SSC4D: variants seen among roughly 807,000 people sequenced by gnomAD.
The protein encoded by SSC4D is scavenger receptor cysteine-rich domain-containing group B protein.
SSC4D carries 57 observed loss-of-function variants against 63.4 expected under a neutral mutation model. The observed-to-expected ratio is 0.90, with a 90% CI of 0.73 to 1.12. The LOEUF (loss-of-function observed/expected upper bound fraction) is 1.12, where lower values mean the gene tolerates loss of function less well. Among genes scored for constraint, SSC4D ranks in the 50% most tolerant of loss-of-function variants. The pLI, the probability that SSC4D is intolerant of heterozygous loss-of-function variation, is 0.00. For missense variants in SSC4D, 791 were observed against 806.4 expected (o/e 0.98, Z 0.23); for synonymous variants, 352 against 345.4 (o/e 1.02, Z -0.21).
chr7:76,389,663 G>A lies in SSC4D; in HGVS notation c.*396C>T. The A allele has an allele frequency of 5.2e-6, 1 of 192,836 alleles. No individual in the cohort carries two copies. The highest frequency in any genetic ancestry group is 1.1e-5 in the Non-Finnish European group (1 of 92,320). 11.9% of individuals were successfully genotyped at this position (192,836 alleles called of 1,614,324 possible). ...CCCTCTTCTTGGGGATCCCAAGATG[G>A]GTTGGGGGAAGAGGAGATACCCCAT... On this transcript the variant is annotated 3_prime_UTR_variant, in exon 11 of 11. Transcript: ENST00000275560.
rs1396681956 is a variant in SSC4D at position 76,401,062 on chromosome 7, G to A, written c.134-19C>T. 15 of 1,540,900 alleles carry A rather than the reference G, an allele frequency of 9.7e-6. No individual in the cohort carries two copies. The highest frequency in any genetic ancestry group is 1.7e-4 in the Middle Eastern group (1 of 5,952). ...GCGCTGGCTGAAACAGAGTGAGGAAGAGCATTGGCCCCTCTGCCCACACCA... is the reference window on the plus strand; with the variant it reads ...GCGCTGGCTGAAACAGAGTGAGGAAAAGCATTGGCCCCTCTGCCCACACCA... On this transcript the variant is annotated intron_variant, in intron 2 of 10. Transcript: ENST00000275560.
chr7:76,395,132 C>A, intron 7 of SSC4D, 121 bp downstream of exon 7: 2 of 1,130,758 alleles, frequency 1.8e-6, no homozygotes, highest in South Asian at 1.3e-5. Flanking sequence ...TCTGCACCAT[C>A]TGGCCAAAGC....
chr7:76,400,068 T>C (rs1804765575), intron 4 of SSC4D, among the ~76,000 whole-genome samples: 1 of 152,150 alleles, frequency 6.6e-6, no homozygotes, highest in South Asian at 2.1e-4. Context: ...GAAGCAGTAG[T>C]GCTGGTTTTC....
chr7:76,395,451 G>T, intron 6 of SSC4D, 121 bp from the exon 7 acceptor site: 2 of 996,456 alleles, frequency 2.0e-6, no homozygotes, highest in Non-Finnish European at 3.0e-6. Flanking sequence ...TACTTCCAGG[G>T]CTGGTGGCCC....
Position 76,393,619 on chromosome 7 carries a change from C to T in SSC4D, c.1119G>A (p.Trp373Ter). 1 of 1,500,294 alleles carries T rather than the reference C, an allele frequency of 6.7e-7. No individual in the cohort carries two copies. Among genetic ancestry groups the T allele is most frequent in the Admixed American group, 2.1e-5 (1 of 46,948 alleles). The allele number at this position is 1,500,294 out of a possible 1,614,324, so 92.9% of individuals were successfully genotyped here. ...GGWGTVCDDD[W>*]DFADARVACR... ...AGGCCACGCGCGCGTCCGCAAAGTC[C>T]CAGTCATCGTCGCACACGGTGCCCC... Residue 373 changes from tryptophan (W) to a stop codon, truncating the protein, a stop_gained, in exon 9 of 11, where the codon TGG becomes TGA. Transcript: ENST00000275560. LOFTEE classifies it high-confidence loss of function.
rs924402462 is a variant in SSC4D, at chr7:76,400,911, G to A, written c.169+97C>T. The A allele has an allele frequency of 2.7e-6, 4 of 1,486,110 alleles. No individual in the cohort carries two copies. The African/African-American group carries it at 4.2e-5, about 16-fold the overall frequency. The allele number at this position is 1,486,110 out of a possible 1,614,324, so 92.1% of individuals were successfully genotyped here. A position where few individuals can be genotyped will look rare whatever the true frequency, so the allele number is the denominator to read the frequency against. On this transcript the variant is annotated intron_variant, in intron 3 of 10. Coordinates refer to ENST00000275560, the MANE Select transcript of SSC4D (RefSeq NM_080744.2). ...TGAGATGGGGGCATCTAGAGTCAAG[G>A]GGGGCTGGTTAGTCATCACTTCCTG...
intron 2 of SSC4D, among the ~76,000 whole-genome samples, chr7:76,402,448 C>G (rs1804863754): frequency 6.6e-6 from 1 of 152,044 alleles, no homozygotes; most frequent in African/African-American, 2.4e-5. Flanking sequence ...TCCCAAAGTG[C>G]TAGGATTACA....
chr7:76,398,655 C>G, intron 5 of SSC4D, 65 bp downstream of exon 5: 1 of 1,527,506 alleles, frequency 6.5e-7, no homozygotes. Context: ...TTCCCACTGC[C>G]TAGGGTAGGG....
intron 7 of SSC4D, 92 bp downstream of exon 7, chr7:76,395,161 G>GC (rs1804606856): frequency 6.1e-6 from 9 of 1,467,642 alleles, no homozygotes; most frequent in Admixed American, 3.4e-5. Flanking sequence ...GTTAGCCAGG[G>GC]CCCCCGCCTG....
At chr7:76,406,493 T>A (rs924284998) in intron 1 of SSC4D, among the ~76,000 whole-genome samples, 2 of 152,018 alleles carry the variant, frequency 1.3e-5, no homozygotes, top group Non-Finnish European at 2.9e-5. Context: ...TTTTATTTTT[T>A]ATTTTTTACA....
Position 76,397,595 on chromosome 7 carries a change from C to A in SSC4D, c.791G>T (p.Arg264Leu), listed in dbSNP as rs940223572. 2 of 1,606,428 alleles carry A rather than the reference C, an allele frequency of 1.2e-6. No homozygotes were observed. The highest frequency in any genetic ancestry group is 2.7e-5 in the African/African-American group (2 of 74,976). Reference protein sequence around the residue: ...DNVHCEGGEPRLAACQSLGWG... With the variant: ...DNVHCEGGEPLLAACQSLGWG... ...GCCCAGGCTCTGGCAGGCTGCCAGG[C>A]GGGGCTCGCCGCCTTCGCAGTGCAC... is the stretch of plus-strand genomic sequence containing the variant. Residue 264 changes from arginine to leucine, a missense_variant, in exon 6 of 11, where the codon CGC becomes CTC. Transcript: ENST00000275560.
Position 76,393,829 on chromosome 7 carries a change from C to G in SSC4D, c.1021+1G>C, listed in dbSNP as rs1303948706. 2.5e-6 allele frequency: 4 copies of G among 1,591,206 alleles called. No homozygotes were observed. The highest frequency in any genetic ancestry group is 3.4e-6 in the Non-Finnish European group (4 of 1,167,364). On this transcript the variant is annotated splice_donor_variant, in intron 8 of 10. Transcript: ENST00000275560. LOFTEE classifies it high-confidence loss of function. ...CCGCAGACCCAGGCACCGCCACTTA[C>G]TTTTCTTCCCCGCGGCCCAGGCGGC...
At chr7:76,407,378 C>T (rs961928104) in intron 1 of SSC4D, among the ~76,000 whole-genome samples, 2 of 151,660 alleles carry the variant, frequency 1.3e-5, no homozygotes, top group African/African-American at 4.9e-5. Context: ...GTCGCCCAGG[C>T]TGGAGTGCAG....
intron 1 of SSC4D, 42 bp from the exon 2 acceptor site, chr7:76,404,547 T>A: frequency 1.9e-6 from 3 of 1,542,856 alleles, no homozygotes; most frequent in Non-Finnish European, 2.7e-6. Flanking sequence ...CTCCCAGCAC[T>A]TTGGGAGGCC....
intron 6 of SSC4D, among the ~76,000 whole-genome samples, chr7:76,395,963 G>A (rs1340205181): frequency 6.6e-6 from 1 of 152,222 alleles, no homozygotes; most frequent in Non-Finnish European, 1.5e-5. Flanking sequence ...CCAAAGTGCT[G>A]GGATTATAGG....
In SSC4D at chr7:76,393,585, C is replaced by T. The variant is rs766590499; in HGVS notation, c.1153G>A (p.Ala385Thr). The T allele has an allele frequency of 5.2e-5, 78 of 1,510,818 alleles. 1 individual carries two copies. In the East Asian group the frequency reaches 2.0e-3, roughly 39 times the overall value. 93.6% of individuals were successfully genotyped at this position (1,510,818 alleles called of 1,614,324 possible). ...FADARVACRE[A>T]GCGPALGATG... ...GCGCCCAGCGCAGGCCCGCAGCCCG[C>T]TTCGCGGCAGGCCACGCGCGCGTCC... Residue 385 changes from alanine to threonine, a missense_variant, in exon 9 of 11, where the codon GCG (alanine) becomes ACG (threonine). Ala to Thr is a moderately conservative substitution (Grantham distance 58). Coordinates refer to ENST00000275560, the MANE Select transcript of SSC4D (RefSeq NM_080744.2).
intron 9 of SSC4D, 43 bp from the exon 10 acceptor site, chr7:76,392,084 G>A: frequency 6.5e-7 from 1 of 1,544,436 alleles, no homozygotes; most frequent in East Asian, 2.4e-5. Flanking sequence ...CTCTCACAAT[G>A]GGAAGCATGT....
chr7:76,409,202 A>C (rs2115827892), intron 1 of SSC4D, among the ~76,000 whole-genome samples: 1 of 152,186 alleles, frequency 6.6e-6, no homozygotes, highest in South Asian at 2.1e-4. Context: ...TGACTGAATC[A>C]AGGTGATGGC....
chr7:76,400,915 G>A, intron 3 of SSC4D, 93 bp downstream of exon 3: 1 of 1,495,448 alleles, frequency 6.7e-7, no homozygotes, highest in Non-Finnish European at 9.1e-7. Context: ...GTCAAGGGGG[G>A]CTGGTTAGTC....
Sources: allele counts gnomAD v4.1 joint callset (sites outside exome capture counted in the v4.1 genomes callset), GRCh38; gene constraint gnomAD v4.1.1; transcripts MANE v1.5; gene names NCBI Gene and HGNC (gene_info 2026-07-23, HGNC 2026-07-21).